The following TBC1D31 variants were observed in gnomAD, a reference collection of about 807,000 sequenced individuals.
The protein encoded by TBC1D31 is TBC1 domain family member 31.
A neutral mutation model predicts 132.9 loss-of-function variants in TBC1D31; 99 were observed. The ratio of observed to expected loss-of-function variants is 0.74; its 90% CI spans 0.63 to 0.88. The LOEUF is 0.88. Among genes scored for constraint, TBC1D31 ranks in the 40% least tolerant of loss-of-function variants. The pLI is 0.00. For synonymous variants in TBC1D31, 385 were observed against 419.4 expected, an observed-to-expected ratio of 0.92 and a Z score of 1.00; for missense variants, 1,134 against 1,256.6, an observed-to-expected ratio of 0.90 and a Z score of 1.48.
At chr8:123,092,707 T>G (rs763190976) in intron 4 of TBC1D31, among the ~76,000 whole-genome samples, 3 of 152,002 alleles carry the variant, frequency 2.0e-5, no homozygotes, top group Non-Finnish European at 4.4e-5. Flanking sequence ...TGGAATGCAG[T>G]GGTGCAATCT....
intron 2 of TBC1D31, among the ~76,000 whole-genome samples, chr8:123,078,629 A>G (rs1586544708): frequency 6.6e-6 from 1 of 152,342 alleles, no homozygotes; most frequent in Non-Finnish European, 1.5e-5. Context: ...GGGAAAGTAC[A>G]GGATGAGCCT....
At position 123,084,033 on chromosome 8, in the gene TBC1D31, A is replaced by C. The variant is rs1040406636; in HGVS notation, c.341-129A>C. On this transcript the variant is annotated intron_variant, in intron 3 of 21. Coordinates refer to ENST00000287380, the MANE Select transcript of TBC1D31 (RefSeq NM_145647.4). ...TAGCCACAAGCTTCCATTTTTGTGG[A>C]TATTAATGGAGGTGCCTCATATAAT... The C allele has an allele frequency of 6.9e-6, 5 of 726,244 alleles. No homozygotes were observed. The African/African-American group carries it at 8.9e-5, about 13-fold the overall frequency. 45.0% of individuals were successfully genotyped at this position (726,244 alleles called of 1,614,324 possible). A position where few individuals can be genotyped will look rare whatever the true frequency, so the allele number is the denominator to read the frequency against.
At chr8:123,099,728 G>A (rs1817197085) in intron 6 of TBC1D31, among the ~76,000 whole-genome samples, 1 of 152,148 alleles carries the variant, frequency 6.6e-6, no homozygotes, top group Non-Finnish European at 1.5e-5. Context: ...GGAACTGTCT[G>A]TCTTAGTCTG....
intron 10 of TBC1D31, among the ~76,000 whole-genome samples, chr8:123,115,464 A>G (rs1818830149): frequency 6.6e-6 from 1 of 152,226 alleles, no homozygotes; most frequent in African/African-American, 2.4e-5. Flanking sequence ...AATGTCTGAC[A>G]TAGCTTATTA....
intron 2 of TBC1D31, among the ~76,000 whole-genome samples, chr8:123,079,536 A>G (rs1442967812): frequency 6.6e-6 from 1 of 152,226 alleles, no homozygotes; most frequent in African/African-American, 2.4e-5. Flanking sequence ...ATCTTAAATC[A>G]GTACCACTGT....
chr8:123,084,460 A>C, intron 4 of TBC1D31, 120 bp downstream of exon 4: 1 of 980,310 alleles, frequency 1.0e-6, no homozygotes, highest in Non-Finnish European at 1.5e-6. Context: ...GTAACTCAGC[A>C]ACAAGCAAAG....
chr8:123,113,172 G>A (rs1818603851), intron 10 of TBC1D31, among the ~76,000 whole-genome samples: 1 of 152,126 alleles, frequency 6.6e-6, no homozygotes, highest in Non-Finnish European at 1.5e-5. Context: ...ATGAAGAACT[G>A]ATTTTATCAA....
At chr8:123,109,449 G>A (rs779744540) in intron 9 of TBC1D31, 25 bp from the exon 10 acceptor site, 1 of 1,608,764 alleles carries the variant, frequency 6.2e-7, no homozygotes, top group South Asian at 1.1e-5. Context: ...AAAATTGGGG[G>A]GATTAAAATA....
chr8:123,163,364 C>CTTTT, the TBC1D31 span, among the ~76,000 whole-genome samples: 5,434 of 110,008 alleles, frequency 0.049, 744 homozygotes, highest in African/African-American at 0.16. Context: ...TCACTTTAAC[C>CTTTT]TTTTTTTTTT....
chr8:123,083,473 G>T (rs1475062201), intron 3 of TBC1D31: 2 of 151,470 alleles, frequency 1.3e-5, no homozygotes, highest in Non-Finnish European at 2.9e-5. Context: ...GCCCAGGTTG[G>T]TCTCGAACTT....
chr8:123,130,479 C>A, intron 16 of TBC1D31, 146 bp downstream of exon 16: 1 of 694,018 alleles, frequency 1.4e-6, no homozygotes, highest in Non-Finnish European at 2.1e-6. Flanking sequence ...TTCCCCTCAG[C>A]TTTCTCATTC....
rs1231240494 is a variant in TBC1D31 at position 123,077,102 on chromosome 8, C to T, written c.78-9C>T. The T allele has an allele frequency of 6.4e-7, 1 of 1,561,762 alleles. No individual in the cohort carries two copies. Among genetic ancestry groups the T allele is most frequent in the Non-Finnish European group, 8.6e-7 (1 of 1,157,454 alleles). ...ATAGATTCAATGTTTGGGTTTTTTT[C>T]TTTGACAGAATTATAGTGAACATTA... On this transcript the variant is annotated splice_polypyrimidine_tract_variant and intron_variant, in intron 1 of 21. Transcript: ENST00000287380.
intron 17 of TBC1D31, among the ~76,000 whole-genome samples, chr8:123,140,134 C>T (rs962772868): frequency 6.6e-6 from 1 of 152,124 alleles, no homozygotes; most frequent in African/African-American, 2.4e-5. Context: ...CCGAGGCAGG[C>T]CGATCACATG....
At chr8:123,102,637 A>T in intron 7 of TBC1D31, 1 of 191,130 alleles carries the variant, frequency 5.2e-6, no homozygotes, top group Non-Finnish European at 1.1e-5. Flanking sequence ...TAACTTCAAA[A>T]TTAATAGTTG....
the TBC1D31 span, among the ~76,000 whole-genome samples, chr8:123,159,127 T>G: frequency 6.6e-6 from 1 of 152,018 alleles, no homozygotes; most frequent in Non-Finnish European, 1.5e-5. Context: ...CTGATTAACA[T>G]GCAGATTAAA....
At chr8:123,130,623 CTTTTT>C in intron 16 of TBC1D31, among the ~76,000 whole-genome samples, 1 of 136,122 alleles carries the variant, frequency 7.3e-6, no homozygotes. Context: ...CTTTTCTTTT[CTTTTT>C]TTTTTTTTTT....
intron 4 of TBC1D31, among the ~76,000 whole-genome samples, chr8:123,085,086 A>G (rs1815588549): frequency 6.6e-6 from 1 of 152,110 alleles, no homozygotes; most frequent in Non-Finnish European, 1.5e-5. Context: ...CACCATGCCC[A>G]GCTGTGTGTG....
chr8:123,075,725 C>A (rs1317634160), intron 1 of TBC1D31, among the ~76,000 whole-genome samples: 1 of 151,590 alleles, frequency 6.6e-6, no homozygotes. Context: ...AAAACAAAAT[C>A]CAAAAATTTA....
chr8:123,149,374 A>G (rs551068518), intron 20 of TBC1D31, among the ~76,000 whole-genome samples: 1 of 152,354 alleles, frequency 6.6e-6, no homozygotes, highest in African/African-American at 2.4e-5. Flanking sequence ...TGAGACTCCC[A>G]GCATTCTGGG....
Sources: allele counts gnomAD v4.1 joint callset (sites outside exome capture counted in the v4.1 genomes callset), GRCh38; gene constraint gnomAD v4.1.1; transcripts MANE v1.5; gene names NCBI Gene and HGNC (gene_info 2026-07-23, HGNC 2026-07-21).